Variants in DACH2 observed in about 807,000 individuals in gnomAD.
The protein encoded by DACH2 is dachshund homolog 2.
DACH2 carries 17 observed loss-of-function variants against 35.8 expected under a neutral mutation model. The ratio of observed to expected loss-of-function variants is 0.48; its 90% CI spans 0.33 to 0.71. The LOEUF (loss-of-function observed/expected upper bound fraction) is 0.71. Ranked by LOEUF, DACH2 falls within the 30% of genes least tolerant of loss-of-function variation. The pLI is 0.02. For missense variants in DACH2, 469 were observed against 472.7 expected, an observed-to-expected ratio of 0.99 and a Z score of 0.07; for synonymous variants, 195 against 177.3, an observed-to-expected ratio of 1.10 and a Z score of -0.79.
Position 86,453,449 on chromosome X carries a change from G to GT in DACH2, c.528-60823dup, listed in dbSNP as rs769719609. ...CCACTATTATTGTGAGGGAGTATAA[G>GT]TTTTTTTGTAGGTCTCTAAGAACTT... On this transcript the variant is annotated intron_variant, in intron 2 of 11. Transcript: ENST00000373125. Among the ~76,000 whole-genome samples, 5 of 111,487 alleles carry GT rather than the reference G, an allele frequency of 4.5e-5. No individual in the cohort carries two copies. The South Asian group carries it at 1.9e-3, about 42-fold the overall frequency.
chrX:86,649,840 G>A (rs2040457783), intron 3 of DACH2, among the ~76,000 whole-genome samples: 1 of 111,067 alleles, frequency 9.0e-6, no homozygotes, highest in African/African-American at 3.3e-5. Context: ...TCTAATGACA[G>A]TTATGTTTCT....
At chrX:86,284,430 G>A (rs2034103267) in intron 1 of DACH2, among the ~76,000 whole-genome samples, 1 of 111,525 alleles carries the variant, frequency 9.0e-6, no homozygotes, top group Admixed American at 9.6e-5. Context: ...GTATCCCAAG[G>A]ACAAATCCAC....
chrX:86,610,414 TTTCTTTTCTTTC>T (rs1471448149), intron 3 of DACH2, among the ~76,000 whole-genome samples: 28 of 76,855 alleles, frequency 3.6e-4, no homozygotes, highest in African/African-American at 1.5e-3. Flanking sequence ...TCTTTCTTTC[TTTCTTTTCTTTC>T]TTTCTTTCTT....
intron 1 of DACH2, among the ~76,000 whole-genome samples, chrX:86,365,253 G>A (rs764497894): frequency 2.7e-5 from 3 of 110,443 alleles, no homozygotes; most frequent in African/African-American, 9.8e-5. Context: ...ATAGAAGACA[G>A]TGTCAGTATA....
intron 1 of DACH2, among the ~76,000 whole-genome samples, chrX:86,296,629 G>A (rs1167863842): frequency 5.4e-5 from 6 of 110,273 alleles, no homozygotes; most frequent in South Asian, 3.8e-4. Flanking sequence ...CTTTCTTTTG[G>A]TTTGTCTCTA....
intron 10 of DACH2, 94 bp from the exon 11 acceptor site, chrX:86,815,940 A>G (rs2042446908): frequency 4.5e-6 from 3 of 671,920 alleles, no homozygotes; most frequent in African/African-American, 2.3e-5. Flanking sequence ...TATGTTATCT[A>G]TAGGACCAAA....
At chrX:86,818,609 C>T (rs1480194649) in intron 11 of DACH2, among the ~76,000 whole-genome samples, 1 of 110,907 alleles carries the variant, frequency 9.0e-6, no homozygotes, top group Non-Finnish European at 1.9e-5. Flanking sequence ...TTAATCTTTT[C>T]CATCTCCCTT....
At chrX:86,811,163 T>C (rs1302481631) in intron 7 of DACH2, among the ~76,000 whole-genome samples, 3 of 111,702 alleles carry the variant, frequency 2.7e-5, no homozygotes, top group African/African-American at 9.8e-5. Context: ...TATAATCATA[T>C]AGCATTTTTT....
At position 86,217,348 on chromosome X, in the gene DACH2, C is replaced by T. The variant is rs368406123; in HGVS notation, c.488+68240C>T. On this transcript the variant is annotated intron_variant, in intron 1 of 11. Transcript: ENST00000373125. ...AATCGCTGTGCTCCATTCTACTTTT[C>T]TATTCTTAACCTAATAGGAAAACAA... Among the ~76,000 whole-genome samples the T allele has an allele frequency of 5.4e-5, 6 of 111,613 alleles. No individual in the cohort carries two copies. In the South Asian group the frequency reaches 2.2e-3, roughly 42 times the overall value.
At chrX:86,816,321 G>A (rs990606891) in intron 11 of DACH2, among the ~76,000 whole-genome samples, 4 of 111,678 alleles carry the variant, frequency 3.6e-5, no homozygotes, top group African/African-American at 9.7e-5. Context: ...TGGTTACAGA[G>A]GGACTAATAA....
chrX:86,462,369 G>C (rs1482235266), intron 2 of DACH2, among the ~76,000 whole-genome samples: 2 of 111,460 alleles, frequency 1.8e-5, no homozygotes, highest in Admixed American at 1.9e-4. Context: ...TGAAATAAAT[G>C]CAAATGATGA....
intron 2 of DACH2, among the ~76,000 whole-genome samples, chrX:86,462,415 T>A (rs954051154): frequency 1.8e-5 from 2 of 111,318 alleles, no homozygotes; most frequent in African/African-American, 6.5e-5. Context: ...AAGCTAAAAT[T>A]TGAAAATCTG....
intron 2 of DACH2, among the ~76,000 whole-genome samples, chrX:86,489,731 C>T (rs774221376): frequency 1.3e-4 from 15 of 111,298 alleles, no homozygotes; most frequent in African/African-American, 4.2e-4. Flanking sequence ...CTTTTCTAAC[C>T]GAATTTTTTT....
chrX:86,319,457 C>T (rs928929621), intron 1 of DACH2, among the ~76,000 whole-genome samples: 13 of 111,579 alleles, frequency 1.2e-4, no homozygotes, highest in African/African-American at 3.6e-4. Flanking sequence ...AAACCTGATA[C>T]GTTGTTTTAA....
chrX:86,431,380 TCTTA>T (rs751317467), intron 2 of DACH2, among the ~76,000 whole-genome samples: 2 of 112,019 alleles, frequency 1.8e-5, no homozygotes, highest in African/African-American at 6.5e-5. Flanking sequence ...ACAAATGGTA[TCTTA>T]CTTAGAAGGC....
chrX:86,483,669 C>CA (rs1479124507), intron 2 of DACH2, among the ~76,000 whole-genome samples: 1 of 110,590 alleles, frequency 9.0e-6, no homozygotes, highest in African/African-American at 3.3e-5. Flanking sequence ...CCTGTCTCTA[C>CA]AAAAAATACA....
chrX:86,723,389 T>C (rs2041430687), intron 6 of DACH2, among the ~76,000 whole-genome samples: 1 of 109,153 alleles, frequency 9.2e-6, no homozygotes, highest in South Asian at 3.9e-4. Context: ...GTTGTTAGGT[T>C]GATAATTTGT....
At chrX:86,459,666 T>C (rs1023710777) in intron 2 of DACH2, among the ~76,000 whole-genome samples, 1 of 111,638 alleles carries the variant, frequency 9.0e-6, no homozygotes, top group Non-Finnish European at 1.9e-5. Flanking sequence ...GAGAGGCCTG[T>C]AACTTTTCAG....
intron 1 of DACH2, among the ~76,000 whole-genome samples, chrX:86,363,658 T>C (rs2148084980): frequency 9.0e-6 from 1 of 111,427 alleles, no homozygotes; most frequent in South Asian, 3.7e-4. Context: ...ATTTTAATGA[T>C]GACAGTTAAT....
Sources: gnomAD v4.1 joint callset for allele counts (sites outside exome capture counted in the v4.1 genomes callset) on GRCh38, gnomAD v4.1.1 for gene constraint, MANE v1.5 for transcripts, NCBI Gene and HGNC (gene_info 2026-07-23, HGNC 2026-07-21) for gene names.